The following CDKAL1 variants were observed in gnomAD, a reference collection of about 807,000 sequenced individuals.
The protein encoded by CDKAL1 is CDKAL1 threonylcarbamoyladenosine tRNA methylthiotransferase, also known as threonylcarbamoyladenosine tRNA methylthiotransferase.
A neutral mutation model predicts 68.2 loss-of-function variants in CDKAL1; 32 were observed. That is an observed-to-expected ratio of 0.47 (90% CI 0.35 to 0.63). The LOEUF (loss-of-function observed/expected upper bound fraction) is 0.63. Among genes scored for constraint, CDKAL1 ranks in the 30% least tolerant of loss-of-function variants. The pLI is 0.00. For synonymous variants in CDKAL1, 234 were observed against 244.3 expected, an observed-to-expected ratio of 0.96 and a Z score of 0.39; for missense variants, 606 against 696.7, an observed-to-expected ratio of 0.87 and a Z score of 1.47.
At chr6:21,198,884 C>T (rs1318227632) in intron 14 of CDKAL1, among the ~76,000 whole-genome samples, 1 of 152,202 alleles carries the variant, frequency 6.6e-6, no homozygotes, top group Non-Finnish European at 1.5e-5. Flanking sequence ...GAGAGTGCCT[C>T]TTTCAGGGTC....
chr6:20,697,909 A>T (rs560142561), intron 5 of CDKAL1, among the ~76,000 whole-genome samples: 1 of 152,270 alleles, frequency 6.6e-6, no homozygotes, highest in South Asian at 2.1e-4. Flanking sequence ...GAAGTAATTG[A>T]TTGCCCCTAG....
intron 10 of CDKAL1, among the ~76,000 whole-genome samples, chr6:20,964,404 C>T (rs1765199145): frequency 6.6e-6 from 1 of 152,170 alleles, no homozygotes; most frequent in Non-Finnish European, 1.5e-5. Context: ...GACATGGAAT[C>T]AACCTAAATG....
chr6:21,008,768 A>G (rs1767863666), intron 11 of CDKAL1, among the ~76,000 whole-genome samples: 1 of 152,178 alleles, frequency 6.6e-6, no homozygotes. Flanking sequence ...AAGAGTAAGA[A>G]GCAGGGATAA....
intron 11 of CDKAL1, among the ~76,000 whole-genome samples, chr6:21,002,245 G>T (rs1332227655): frequency 1.3e-5 from 2 of 152,274 alleles, no homozygotes; most frequent in Middle Eastern, 6.8e-3. Context: ...TTATTGTGAG[G>T]CATCTATGTA....
intron 4 of CDKAL1, among the ~76,000 whole-genome samples, chr6:20,602,311 C>A (rs1325837099): frequency 6.6e-6 from 1 of 152,118 alleles, no homozygotes; most frequent in African/African-American, 2.4e-5. Flanking sequence ...CTTGTCAGCT[C>A]TCATGTCCAG....
chr6:21,039,393 A>G (rs1175974963), intron 11 of CDKAL1, among the ~76,000 whole-genome samples: 4 of 152,236 alleles, frequency 2.6e-5, no homozygotes, highest in African/African-American at 9.6e-5. Context: ...TAAACTTAAC[A>G]CATGATGACA....
intron 9 of CDKAL1, among the ~76,000 whole-genome samples, chr6:20,847,029 G>A (rs1490617280): frequency 6.6e-6 from 1 of 152,134 alleles, no homozygotes; most frequent in East Asian, 1.9e-4. Context: ...GTCTCAGAAA[G>A]TATGAGTTCC....
chr6:20,610,276 T>C (rs1351589308), intron 4 of CDKAL1, among the ~76,000 whole-genome samples: 1 of 152,192 alleles, frequency 6.6e-6, no homozygotes, highest in African/African-American at 2.4e-5. Context: ...ACAGTTTATA[T>C]TTCCATGGAT....
At chr6:21,140,763 C>T (rs990275692) in intron 13 of CDKAL1, among the ~76,000 whole-genome samples, 1 of 152,166 alleles carries the variant, frequency 6.6e-6, no homozygotes, top group African/African-American at 2.4e-5. Context: ...AAAAACTTGT[C>T]CTGCTTGCTA....
At position 20,715,895 on chromosome 6, in the gene CDKAL1, T is replaced by C. The variant is rs141124090; in HGVS notation, c.372-23624T>C. 5.6e-3 allele frequency among the ~76,000 whole-genome samples: 859 copies of C among 152,362 alleles called. 2 individuals are homozygous for C. The highest frequency in any genetic ancestry group is 9.0e-3 in the Non-Finnish European group (611 of 68,036). On this transcript the variant is annotated intron_variant, in intron 5 of 15. Coordinates refer to ENST00000274695, the MANE Select transcript of CDKAL1 (RefSeq NM_017774.3). ...CGTTTTGAAAAAATTGGATCTGGGATAGAATTTACCATTTTGTTGTGGGTT... is the reference window on the plus strand; with the variant it reads ...CGTTTTGAAAAAATTGGATCTGGGACAGAATTTACCATTTTGTTGTGGGTT...
At chr6:20,995,121 G>A (rs149473845) in intron 10 of CDKAL1, among the ~76,000 whole-genome samples, 77 of 152,282 alleles carry the variant, frequency 5.1e-4, no homozygotes, top group African/African-American at 1.6e-3. Context: ...CAGCAATTCC[G>A]TCATATCTTC....
chr6:20,693,331 C>T (rs1486975868), intron 5 of CDKAL1, among the ~76,000 whole-genome samples: 3 of 151,956 alleles, frequency 2.0e-5, no homozygotes, highest in Non-Finnish European at 4.4e-5. Context: ...AAATACTAAC[C>T]ATTGTTGAAA....
intron 2 of CDKAL1, among the ~76,000 whole-genome samples, chr6:20,540,853 TG>T (rs1216348090): frequency 2.0e-5 from 3 of 152,096 alleles, no homozygotes; most frequent in African/African-American, 7.2e-5. Flanking sequence ...GGGGGAAGAA[TG>T]GGGCTGGTTA....
chr6:20,694,545 C>T (rs1244169266), intron 5 of CDKAL1, among the ~76,000 whole-genome samples: 1 of 152,128 alleles, frequency 6.6e-6, no homozygotes, highest in East Asian at 1.9e-4. Context: ...ATCAACTCAG[C>T]ATGGGTAATA....
chr6:20,643,180 C>G (rs1039408083), intron 4 of CDKAL1, among the ~76,000 whole-genome samples: 3 of 152,152 alleles, frequency 2.0e-5, no homozygotes, highest in Non-Finnish European at 4.4e-5. Flanking sequence ...CTTCTTCCTA[C>G]CTTTCCCTTC....
chr6:20,646,552 T>A (rs1419199528), intron 4 of CDKAL1, among the ~76,000 whole-genome samples: 1 of 152,176 alleles, frequency 6.6e-6, no homozygotes, highest in Non-Finnish European at 1.5e-5. Flanking sequence ...TTTCCCTTTA[T>A]TTTGAAACCA....
At position 21,231,992 on chromosome 6, in the gene CDKAL1, G is replaced by GTTT. The variant is rs1197267018; in HGVS notation, c.*961_*963dup. ...TTTCTCACATTTTTGATCCATTGGG[G>GTTT]TTTTTTTTTTGTTTTTGTTTTTTTT... On this transcript the variant is annotated 3_prime_UTR_variant, in exon 16 of 16. Coordinates refer to ENST00000274695, the MANE Select transcript of CDKAL1 (RefSeq NM_017774.3). 4.1e-5 allele frequency: 3 copies of GTTT among 73,676 alleles called. No individual in the cohort carries two copies. Among genetic ancestry groups the GTTT allele is most frequent in the Admixed American group, 2.8e-4 (2 of 7,028 alleles). The allele number at this position is 73,676 out of a possible 1,614,324, so 4.6% of individuals were successfully genotyped here. A position where few individuals can be genotyped will look rare whatever the true frequency, so the allele number is the denominator to read the frequency against.
chr6:20,668,862 G>A (rs1769675932), intron 5 of CDKAL1, among the ~76,000 whole-genome samples: 1 of 152,036 alleles, frequency 6.6e-6, no homozygotes, highest in South Asian at 2.1e-4. Flanking sequence ...AAGAATACTT[G>A]TCAGTTGTGT....
intron 6 of CDKAL1, among the ~76,000 whole-genome samples, chr6:20,746,981 T>G (rs563395611): frequency 6.6e-6 from 1 of 152,288 alleles, no homozygotes; most frequent in East Asian, 1.9e-4. Flanking sequence ...CCCTTTGATC[T>G]ACTTCACATT....
Sources: gnomAD v4.1 joint callset for allele counts (sites outside exome capture counted in the v4.1 genomes callset) on GRCh38, gnomAD v4.1.1 for gene constraint, MANE v1.5 for transcripts, NCBI Gene and HGNC (gene_info 2026-07-23, HGNC 2026-07-21) for gene names.